CDH13: variants seen among roughly 807,000 people sequenced by gnomAD.
CDH13 encodes cadherin 13.
In CDH13, 24 loss-of-function variants were observed where a neutral mutation model predicts 63.8. The ratio of observed to expected loss-of-function variants is 0.38; its 90% CI spans 0.27 to 0.53. The LOEUF (loss-of-function observed/expected upper bound fraction) is 0.53. Ranked by LOEUF, CDH13 falls within the 20% of genes least tolerant of loss-of-function variation. CDH13 has a pLI of 0.85. For synonymous variants in CDH13, 503 were observed against 355.3 expected (o/e 1.42, Z -4.67); for missense variants, 1,049 against 903.1 (o/e 1.16, Z -2.07).
chr16:83,000,084 C>T (rs1208926507), intron 2 of CDH13, among the ~76,000 whole-genome samples: 1 of 152,036 alleles, frequency 6.6e-6, no homozygotes, highest in Non-Finnish European at 1.5e-5. Flanking sequence ...GGCTGAAAAA[C>T]CCTGGTCTAT....
chr16:82,953,543 C>T (rs558052503), intron 2 of CDH13: 1 of 152,298 alleles, frequency 6.6e-6, no homozygotes, highest in African/African-American at 2.4e-5. Flanking sequence ...ATTAGCTCTG[C>T]ATGGTGAACT....
intron 8 of CDH13, among the ~76,000 whole-genome samples, chr16:83,648,834 T>C (rs948493541): frequency 5.9e-5 from 9 of 152,150 alleles, no homozygotes; most frequent in African/African-American, 2.2e-4. Context: ...TCCCTCGCTG[T>C]TTCTTTCTTC....
At chr16:83,644,648 G>T (rs893963812) in intron 8 of CDH13, among the ~76,000 whole-genome samples, 5 of 152,182 alleles carry the variant, frequency 3.3e-5, no homozygotes, top group Non-Finnish European at 7.3e-5. Context: ...CTGCAAATGG[G>T]CTGCCATACA....
intron 8 of CDH13, among the ~76,000 whole-genome samples, chr16:83,650,685 C>A (rs1400476427): frequency 1.3e-5 from 2 of 152,178 alleles, no homozygotes; most frequent in Non-Finnish European, 2.9e-5. Flanking sequence ...GGGCAGCCCC[C>A]ACCCAATGAA....
intron 4 of CDH13, among the ~76,000 whole-genome samples, chr16:83,188,809 C>G (rs377283949): frequency 2.0e-5 from 3 of 152,196 alleles, no homozygotes; most frequent in Admixed American, 6.5e-5. Flanking sequence ...GCAATTATTA[C>G]GGTTTACTGT....
At chr16:82,851,821 T>C (rs1278657488) in intron 1 of CDH13, among the ~76,000 whole-genome samples, 1 of 152,146 alleles carries the variant, frequency 6.6e-6, no homozygotes, top group Non-Finnish European at 1.5e-5. Context: ...TTAATCAAAA[T>C]ACACTGCTGC....
chr16:82,958,185 G>T (rs1171469800), intron 2 of CDH13, among the ~76,000 whole-genome samples: 2 of 152,154 alleles, frequency 1.3e-5, no homozygotes, highest in Non-Finnish European at 2.9e-5. Flanking sequence ...ACCTCTCTTA[G>T]CACCAACCTC....
intron 1 of CDH13, among the ~76,000 whole-genome samples, chr16:82,641,245 T>C (rs1241045656): frequency 6.6e-6 from 1 of 152,214 alleles, no homozygotes; most frequent in Non-Finnish European, 1.5e-5. Context: ...TTAACTTCTC[T>C]GTGCTTCCCT....
chr16:83,161,239 C>G (rs1284509001), intron 4 of CDH13, among the ~76,000 whole-genome samples: 1 of 152,126 alleles, frequency 6.6e-6, no homozygotes, highest in Non-Finnish European at 1.5e-5. Flanking sequence ...CAATAAAGTG[C>G]TGGATTTGAG....
At chr16:83,241,728 G>T (rs530231523) in intron 5 of CDH13, among the ~76,000 whole-genome samples, 3 of 152,138 alleles carry the variant, frequency 2.0e-5, no homozygotes, top group African/African-American at 4.8e-5. Context: ...TATTTTTCTG[G>T]ATTTTAACCC....
intron 7 of CDH13, among the ~76,000 whole-genome samples, chr16:83,544,740 A>G (rs1430566702): frequency 2.0e-5 from 3 of 152,190 alleles, no homozygotes; most frequent in Non-Finnish European, 4.4e-5. Context: ...GACTCTCTCT[A>G]GCTGCATTGT....
chr16:83,241,549 T>G (rs75673788), intron 5 of CDH13, among the ~76,000 whole-genome samples: 1 of 152,220 alleles, frequency 6.6e-6, no homozygotes, highest in Non-Finnish European at 1.5e-5. Flanking sequence ...TGACACCTCA[T>G]TATGGTTTTG....
intron 2 of CDH13, among the ~76,000 whole-genome samples, chr16:83,022,548 A>G (rs1915439918): frequency 6.6e-6 from 1 of 152,168 alleles, no homozygotes; most frequent in Non-Finnish European, 1.5e-5. Flanking sequence ...ACAACTCGAG[A>G]CTTTTTCCAA....
intron 5 of CDH13, among the ~76,000 whole-genome samples, chr16:83,275,482 C>T (rs2088958844): frequency 6.6e-6 from 1 of 152,152 alleles, no homozygotes; most frequent in Non-Finnish European, 1.5e-5. Context: ...CTCATGCAGG[C>T]TTCTTAGTTT....
chr16:83,160,636 C>T (rs1390695407), intron 4 of CDH13, among the ~76,000 whole-genome samples: 1 of 152,178 alleles, frequency 6.6e-6, no homozygotes, highest in Admixed American at 6.5e-5. Flanking sequence ...TCCTACAAAC[C>T]TCTCCAGCTG....
intron 5 of CDH13, among the ~76,000 whole-genome samples, chr16:83,291,421 C>G (rs1462846083): frequency 6.6e-6 from 1 of 152,066 alleles, no homozygotes; most frequent in Non-Finnish European, 1.5e-5. Context: ...GTTTGGCGAC[C>G]CAGCTACGAG....
At chr16:83,025,608 G>T (rs116553340) in intron 2 of CDH13, among the ~76,000 whole-genome samples, 5 of 152,148 alleles carry the variant, frequency 3.3e-5, no homozygotes, top group Non-Finnish European at 5.9e-5. Flanking sequence ...TTCAAGATGA[G>T]ATTTTGGTGG....
At chr16:83,742,015 G>A (rs1290326974) in intron 10 of CDH13, among the ~76,000 whole-genome samples, 1 of 152,212 alleles carries the variant, frequency 6.6e-6, no homozygotes, top group Non-Finnish European at 1.5e-5. Context: ...GTGCCAAAGA[G>A]GTTGGGGACT....
At chr16:83,260,095 A>AAC (rs1224528199) in intron 5 of CDH13, among the ~76,000 whole-genome samples, 1 of 58,764 alleles carries the variant, frequency 1.7e-5, no homozygotes, top group Admixed American at 1.9e-4. Context: ...ATGTACCCCC[A>AAC]ATACACACAC....
Sources: gnomAD v4.1 joint callset for allele counts (sites outside exome capture counted in the v4.1 genomes callset) on GRCh38, gnomAD v4.1.1 for gene constraint, MANE v1.5 for transcripts, NCBI Gene and HGNC (gene_info 2026-07-23, HGNC 2026-07-21) for gene names.